PALLD: variants seen among roughly 807,000 people sequenced by gnomAD.
PALLD encodes the protein palladin.
A neutral mutation model predicts 123.5 loss-of-function variants in PALLD; 61 were observed. The observed-to-expected ratio is 0.49, with a 90% CI of 0.40 to 0.61. The LOEUF (loss-of-function observed/expected upper bound fraction) is 0.61. PALLD is among the 20% of genes least tolerant of loss of function. The pLI, the probability that PALLD is intolerant of heterozygous loss-of-function variation, is 0.00. For synonymous variants in PALLD, 465 were observed against 496.4 expected (o/e 0.94, Z 0.84); for missense variants, 1,273 against 1,377.0 (o/e 0.92, Z 1.20).
At chr4:168,689,492 G>A (rs1013555711) in intron 6 of PALLD, among the ~76,000 whole-genome samples, 7 of 117,382 alleles carry the variant, frequency 6.0e-5, no homozygotes, top group Non-Finnish European at 1.1e-4. Context: ...CTGTCACCCA[G>A]GCTGAAGTGC....
At chr4:168,697,785 T>C (rs1239978811) in intron 8 of PALLD, among the ~76,000 whole-genome samples, 1 of 152,130 alleles carries the variant, frequency 6.6e-6, no homozygotes, top group Non-Finnish European at 1.5e-5. Context: ...TATAAGTAAC[T>C]CCCAAATGCT....
intron 3 of PALLD, among the ~76,000 whole-genome samples, chr4:168,672,619 C>T (rs533645338): frequency 2.2e-4 from 33 of 152,144 alleles, no homozygotes; most frequent in Middle Eastern, 3.4e-3. Context: ...CCACCACGCC[C>T]GTCTAATTTT....
At chr4:168,597,575 A>G (rs1245358096) in intron 2 of PALLD, among the ~76,000 whole-genome samples, 5 of 152,084 alleles carry the variant, frequency 3.3e-5, no homozygotes, top group Admixed American at 1.3e-4. Flanking sequence ...TCTGAGTATC[A>G]TTTCATGCAA....
intron 2 of PALLD, among the ~76,000 whole-genome samples, chr4:168,644,594 A>G (rs1242904822): frequency 6.6e-6 from 1 of 152,122 alleles, no homozygotes; most frequent in Non-Finnish European, 1.5e-5. Flanking sequence ...TGAGTGGAGT[A>G]TGTAAATAGG....
intron 2 of PALLD, among the ~76,000 whole-genome samples, chr4:168,552,388 G>A (rs1288364159): frequency 6.6e-6 from 1 of 152,086 alleles, no homozygotes; most frequent in African/African-American, 2.4e-5. Context: ...TTTTAAGGAA[G>A]TCCAGTGCTG....
At chr4:168,918,045 TA>T (rs572860876) in intron 17 of PALLD, among the ~76,000 whole-genome samples, 1 of 151,868 alleles carries the variant, frequency 6.6e-6, no homozygotes, top group African/African-American at 2.4e-5. Flanking sequence ...CTAAAAATGC[TA>T]AAATTAGCCA....
chr4:168,878,316 T>C lies in PALLD; in HGVS notation c.1965-12606T>C, dbSNP rs1372403811. 2 of 1,525,850 alleles carry C rather than the reference T, an allele frequency of 1.3e-6. No homozygotes were observed. The highest frequency in any genetic ancestry group is 1.7e-6 in the Non-Finnish European group (2 of 1,143,206). The allele number at this position is 1,525,850 out of a possible 1,614,324, so 94.5% of individuals were successfully genotyped here. Reference sequence around the variant, plus strand: ...GGCCACAGCCAGACGCCCGCGGCCTTCCTCAGCGCTCTGCTGCCCTCGCAG... The same window carrying C: ...GGCCACAGCCAGACGCCCGCGGCCTCCCTCAGCGCTCTGCTGCCCTCGCAG... On this transcript the variant is annotated intron_variant, in intron 10 of 21. Coordinates refer to ENST00000505667, the MANE Select transcript of PALLD (RefSeq NM_001166108.2).
At chr4:168,896,450 T>C in intron 12 of PALLD, 99 bp from the exon 13 acceptor site, 1 of 738,934 alleles carries the variant, frequency 1.4e-6, no homozygotes, top group Admixed American at 2.0e-5. Context: ...CAAACGCATA[T>C]TGCTAGCACA....
rs149839696 is a variant in PALLD at position 168,880,207 on chromosome 4, C to T, written c.1965-10715C>T. Among the ~76,000 whole-genome samples the T allele has an allele frequency of 4.8e-3, 737 of 152,334 alleles. 7 individuals carry two copies. The highest frequency in any genetic ancestry group is 5.5e-3 in the Admixed American group (84 of 15,298). ...AATGGCTTACCTCAAGTAACAGGAG[C>T]ACTTGCTTCTTGTCAGCATCTATCA... On this transcript the variant is annotated intron_variant, in intron 10 of 21. Transcript: ENST00000505667.
At chr4:168,581,120 C>A (rs1270181441) in intron 2 of PALLD, among the ~76,000 whole-genome samples, 1 of 151,812 alleles carries the variant, frequency 6.6e-6, no homozygotes, top group African/African-American at 2.4e-5. Context: ...TACCCCTGCA[C>A]CTAAAATAAA....
intron 10 of PALLD, among the ~76,000 whole-genome samples, chr4:168,753,345 C>T: frequency 6.6e-6 from 1 of 151,998 alleles, no homozygotes; most frequent in Non-Finnish European, 1.5e-5. Flanking sequence ...TCCCTCCTTC[C>T]CCTGCTTCCT....
intron 2 of PALLD, among the ~76,000 whole-genome samples, chr4:168,645,355 C>A (rs28628222): frequency 0.044 from 6,696 of 152,224 alleles, 470 homozygotes; most frequent in African/African-American, 0.15. Context: ...CTCAACTCCC[C>A]ACCTCACCAC....
intron 2 of PALLD, among the ~76,000 whole-genome samples, chr4:168,654,490 T>C (rs1700921937): frequency 6.6e-6 from 1 of 152,206 alleles, no homozygotes; most frequent in African/African-American, 2.4e-5. Flanking sequence ...AACTGTATTT[T>C]TCAAAGAAAA....
chr4:168,694,533 TTACTC>T (rs1357417631), intron 8 of PALLD, among the ~76,000 whole-genome samples: 2 of 152,276 alleles, frequency 1.3e-5, no homozygotes, highest in African/African-American at 2.4e-5. Context: ...TATTTTTTCT[TTACTC>T]TTCTCTTTAC....
chr4:168,591,023 G>A (rs181828971), intron 2 of PALLD, among the ~76,000 whole-genome samples: 87 of 151,946 alleles, frequency 5.7e-4, no homozygotes, highest in Middle Eastern at 3.4e-3. Flanking sequence ...GGGATTACGG[G>A]CCTGTGCCAC....
At chr4:168,590,166 C>T (rs998323353) in intron 2 of PALLD, among the ~76,000 whole-genome samples, 1 of 152,180 alleles carries the variant, frequency 6.6e-6, no homozygotes, top group Non-Finnish European at 1.5e-5. Context: ...GGCGAAACCC[C>T]GTCTCTACTA....
intron 2 of PALLD, among the ~76,000 whole-genome samples, chr4:168,558,493 A>C (rs541984457): frequency 6.6e-6 from 1 of 152,232 alleles, no homozygotes; most frequent in Admixed American, 6.5e-5. Flanking sequence ...GCTCTTTCAC[A>C]AACAGAAACG....
intron 10 of PALLD, among the ~76,000 whole-genome samples, chr4:168,826,390 T>C (rs1442016384): frequency 2.6e-5 from 4 of 152,166 alleles, no homozygotes; most frequent in African/African-American, 9.6e-5. Context: ...TCCAAACATA[T>C]ATATTCCTTG....
chr4:168,715,550 T>G (rs990069751), intron 10 of PALLD, among the ~76,000 whole-genome samples: 1 of 152,194 alleles, frequency 6.6e-6, no homozygotes, highest in Admixed American at 6.5e-5. Flanking sequence ...ACACTATTCT[T>G]TTCCTTGGTT....
Sources: gnomAD v4.1 joint callset for allele counts (sites outside exome capture counted in the v4.1 genomes callset) on GRCh38, gnomAD v4.1.1 for gene constraint, MANE v1.5 for transcripts, NCBI Gene and HGNC (gene_info 2026-07-23, HGNC 2026-07-21) for gene names.